Variants in FAM120C observed in about 807,000 individuals in gnomAD.
FAM120C encodes constitutive coactivator of PPAR-gamma-like protein 2.
A neutral mutation model predicts 71.2 loss-of-function variants in FAM120C; 14 were observed. That is an observed-to-expected ratio of 0.20 (90% CI 0.13 to 0.31). FAM120C has a LOEUF of 0.31. FAM120C is among the 10% of genes least tolerant of loss of function. The pLI is 1.00. For missense variants in FAM120C, 500 were observed against 879.0 expected, an observed-to-expected ratio of 0.57 and a Z score of 5.45; for synonymous variants, 354 against 353.2, an observed-to-expected ratio of 1.00 and a Z score of -0.03.
At chrX:54,138,899 G>A (rs1557131115) in intron 4 of FAM120C, among the ~76,000 whole-genome samples, 1 of 112,472 alleles carries the variant, frequency 8.9e-6, no homozygotes. Context: ...TATCTCTGTA[G>A]GGAAAGGGCT....
At chrX:54,116,253 G>A (rs782059772) in intron 10 of FAM120C, among the ~76,000 whole-genome samples, 11 of 111,619 alleles carry the variant, frequency 9.9e-5, no homozygotes, top group African/African-American at 3.6e-4. Context: ...ATACCCAAGA[G>A]TAGATGACTA....
At chrX:54,079,464 G>A (rs1319237069) in intron 15 of FAM120C, among the ~76,000 whole-genome samples, 1 of 109,164 alleles carries the variant, frequency 9.2e-6, no homozygotes, top group African/African-American at 3.3e-5. Flanking sequence ...GAGAGAGAGA[G>A]AAAGAAGAGA....
chrX:54,097,928 G>T (rs782240629), intron 10 of FAM120C, among the ~76,000 whole-genome samples: 7 of 110,560 alleles, frequency 6.3e-5, no homozygotes, highest in African/African-American at 2.3e-4. Flanking sequence ...GGGTTTGACC[G>T]TGTTAGCCAG....
Position 54,073,991 on chromosome X carries a change from G to T in FAM120C, c.3037-704C>A, listed in dbSNP as rs782656379. On this transcript the variant is annotated intron_variant, in intron 15 of 15. Transcript: ENST00000375180. The stretch of plus-strand genomic sequence containing the variant: ...CAGGCGTGCACCACCACATCCAGCT[G>T]ATTTTTGTATTTTTTGTAGAGACAG... 8.2e-5 allele frequency among the ~76,000 whole-genome samples: 9 copies of T among 109,794 alleles called. No homozygotes were observed. In the South Asian group the frequency reaches 3.6e-3, roughly 44 times the overall value.
chrX:54,123,940 C>A (rs2067010125), intron 9 of FAM120C, among the ~76,000 whole-genome samples: 1 of 91,214 alleles, frequency 1.1e-5, no homozygotes, highest in Admixed American at 1.3e-4. Flanking sequence ...TTCTAACAGA[C>A]AGGACCCTCA....
Position 54,072,555 on chromosome X carries a change from A to C in FAM120C, c.*478T>G, listed in dbSNP as rs2066715604. ...AAGGAGTGAAGAAGAGGTAGATACC[A>C]CTTCATAGAGAAAAAAAAAAAACAA... is the stretch of plus-strand genomic sequence containing the variant. On this transcript the variant is annotated 3_prime_UTR_variant, in exon 16 of 16. Transcript: ENST00000375180. 9.4e-6 allele frequency: 1 copy of C among 106,518 alleles called. No homozygotes were observed. Among genetic ancestry groups the C allele is most frequent in the African/African-American group, 3.5e-5 (1 of 28,915 alleles). 8.8% of individuals were successfully genotyped at this position (106,518 alleles called of 1,213,427 possible).
At chrX:54,159,285 A>G (rs1458978069) in intron 2 of FAM120C, 85 bp downstream of exon 2, 1 of 1,096,502 alleles carries the variant, frequency 9.1e-7, no homozygotes, top group South Asian at 2.0e-5. Flanking sequence ...TCTAATGATG[A>G]CAGGCTAAAT....
chrX:54,132,302 C>T (rs189337608), intron 9 of FAM120C, among the ~76,000 whole-genome samples: 8 of 111,107 alleles, frequency 7.2e-5, no homozygotes, highest in Non-Finnish European at 1.3e-4. Context: ...ATCCATCCAC[C>T]TCAGCCCCAC....
At chrX:54,155,103 C>T (rs1322841531) in intron 3 of FAM120C, among the ~76,000 whole-genome samples, 2 of 111,704 alleles carry the variant, frequency 1.8e-5, no homozygotes, top group Non-Finnish European at 3.8e-5. Context: ...ACTTAAGAGG[C>T]TGCTGCAGGA....
chrX:54,087,411 A>C (rs1160288103), intron 12 of FAM120C, among the ~76,000 whole-genome samples: 1 of 111,466 alleles, frequency 9.0e-6, no homozygotes, highest in Admixed American at 9.7e-5. Flanking sequence ...AATTGCTTGC[A>C]AAAGAGACAG....
intron 4 of FAM120C, 141 bp downstream of exon 4, chrX:54,151,104 T>G: frequency 1.5e-6 from 1 of 677,339 alleles, no homozygotes; most frequent in African/African-American, 2.2e-5. Context: ...TTAAAGGAAA[T>G]TTTGGAGCTC....
At chrX:54,129,900 A>G (rs965647377) in intron 9 of FAM120C, among the ~76,000 whole-genome samples, 2 of 109,960 alleles carry the variant, frequency 1.8e-5, no homozygotes, top group Middle Eastern at 4.7e-3. Flanking sequence ...CGCGCCTGCA[A>G]TCGCAGGCAC....
intron 2 of FAM120C, 59 bp from the exon 3 acceptor site, chrX:54,157,830 C>T (rs2067217378): frequency 1.3e-6 from 1 of 782,427 alleles, no homozygotes; most frequent in Non-Finnish European, 1.9e-6. Flanking sequence ...ACCTCCAGGC[C>T]ATGAAAGGGG....
At chrX:54,098,547 T>C (rs941477316) in intron 10 of FAM120C, among the ~76,000 whole-genome samples, 1 of 112,000 alleles carries the variant, frequency 8.9e-6, no homozygotes, top group Non-Finnish European at 1.9e-5. Flanking sequence ...TGGTTTCTCA[T>C]TGTTGTTATG....
intron 10 of FAM120C, among the ~76,000 whole-genome samples, chrX:54,103,609 T>C (rs1165466303): frequency 8.9e-6 from 1 of 111,974 alleles, no homozygotes; most frequent in Non-Finnish European, 1.9e-5. Flanking sequence ...ATGCTTTCTT[T>C]AGCGTATTTT....
At chrX:54,169,872 A>C (rs1834182031) in intron 1 of FAM120C, among the ~76,000 whole-genome samples, 1 of 112,203 alleles carries the variant, frequency 8.9e-6, no homozygotes, top group African/African-American at 3.2e-5. Flanking sequence ...CCAACCAACC[A>C]TTAAGAGACC....
intron 9 of FAM120C, among the ~76,000 whole-genome samples, chrX:54,124,679 C>A (rs2067016398): frequency 1.8e-5 from 2 of 108,188 alleles, no homozygotes; most frequent in African/African-American, 6.7e-5. Context: ...CACCCGTCTT[C>A]TGCGTCGCTC....
intron 1 of FAM120C, among the ~76,000 whole-genome samples, chrX:54,177,903 A>C (rs1557136851): frequency 8.9e-6 from 1 of 111,747 alleles, no homozygotes; most frequent in Non-Finnish European, 1.9e-5. Context: ...ATGAAATCCA[A>C]GGAAGATAGT....
At chrX:54,168,285 C>T (rs977442501) in intron 1 of FAM120C, among the ~76,000 whole-genome samples, 7 of 111,462 alleles carry the variant, frequency 6.3e-5, no homozygotes, top group Non-Finnish European at 1.3e-4. Context: ...TACAGGTGTG[C>T]ACCGCCATGC....
Sources: allele counts gnomAD v4.1 joint callset (sites outside exome capture counted in the v4.1 genomes callset), GRCh38; gene constraint gnomAD v4.1.1; transcripts MANE v1.5; gene names NCBI Gene and HGNC (gene_info 2026-07-23, HGNC 2026-07-21).